LDB2: variants seen among roughly 807,000 people sequenced by gnomAD.
The protein encoded by LDB2 is LIM domain binding 2, also known as LIM domain-binding protein 2.
LDB2 carries 12 observed loss-of-function variants against 44.3 expected under a neutral mutation model. The ratio of observed to expected loss-of-function variants is 0.27; its 90% CI spans 0.17 to 0.44. The LOEUF (loss-of-function observed/expected upper bound fraction) is 0.44. Among genes scored for constraint, LDB2 ranks in the 20% least tolerant of loss-of-function variants. The pLI is 1.00. For missense variants in LDB2, 344 were observed against 473.5 expected (o/e 0.73, Z 2.54); for synonymous variants, 164 against 174.8 (o/e 0.94, Z 0.49).
intron 2 of LDB2, among the ~76,000 whole-genome samples, chr4:16,614,214 T>C (rs1032460987): frequency 1.3e-5 from 2 of 152,190 alleles, no homozygotes; most frequent in Non-Finnish European, 1.5e-5. Flanking sequence ...TGGCTAGCCC[T>C]ATATAGAAAA....
chr4:16,787,290 G>T (rs1196397253), intron 1 of LDB2, among the ~76,000 whole-genome samples: 1 of 152,090 alleles, frequency 6.6e-6, no homozygotes, highest in Non-Finnish European at 1.5e-5. Context: ...GCCTATGGAG[G>T]AATGCCAATA....
chr4:16,800,920 C>T (rs1163161724), intron 1 of LDB2, among the ~76,000 whole-genome samples: 1 of 152,182 alleles, frequency 6.6e-6, no homozygotes, highest in Non-Finnish European at 1.5e-5. Flanking sequence ...CATGATCCAC[C>T]CGCCTCGGCC....
At chr4:16,540,427 G>A (rs1008038561) in intron 5 of LDB2, among the ~76,000 whole-genome samples, 5 of 152,082 alleles carry the variant, frequency 3.3e-5, no homozygotes, top group African/African-American at 7.2e-5. Flanking sequence ...GGAAATTTGC[G>A]GTCTTATCTT....
At chr4:16,586,101 G>A (rs1332596039) in intron 4 of LDB2, 96 bp from the exon 5 acceptor site, 17 of 893,178 alleles carry the variant, frequency 1.9e-5, no homozygotes, top group South Asian at 8.7e-5. Flanking sequence ...ATGCAATCTC[G>A]ACATTGTTGA....
intron 4 of LDB2, among the ~76,000 whole-genome samples, chr4:16,587,791 T>G (rs1717539319): frequency 6.6e-6 from 1 of 152,176 alleles, no homozygotes; most frequent in Non-Finnish European, 1.5e-5. Context: ...AACTTACTGA[T>G]TCTCTGAACA....
At chr4:16,796,660 G>A (rs1776803474) in intron 1 of LDB2, among the ~76,000 whole-genome samples, 1 of 152,082 alleles carries the variant, frequency 6.6e-6, no homozygotes, top group African/African-American at 2.4e-5. Flanking sequence ...AAGGAAACAT[G>A]AAAAAAGAGT....
intron 2 of LDB2, among the ~76,000 whole-genome samples, chr4:16,757,151 G>T (rs762721235): frequency 3.3e-5 from 5 of 152,200 alleles, no homozygotes; most frequent in Non-Finnish European, 7.3e-5. Context: ...TGAGCTCAGA[G>T]CGCTGCATAA....
At position 16,887,299 on chromosome 4, in the gene LDB2, C is replaced by T. The variant is rs181424374; in HGVS notation, c.132+11055G>A. 2.0e-5 allele frequency among the ~76,000 whole-genome samples: 3 copies of T among 152,034 alleles called. No individual in the cohort carries two copies. The East Asian group carries it at 5.8e-4, about 29-fold the overall frequency. Reference sequence around the variant, plus strand: ...GACAGCACTGCTTAGTCCAAGTTAGCCCCGCTTGGGTTTGACTTCTGCACT... The same window carrying T: ...GACAGCACTGCTTAGTCCAAGTTAGTCCCGCTTGGGTTTGACTTCTGCACT... On this transcript the variant is annotated intron_variant, in intron 1 of 7. Coordinates refer to ENST00000304523, the MANE Select transcript of LDB2 (RefSeq NM_001290.5).
rs535023607 is a variant in LDB2, at chr4:16,646,560, C to T, written c.236-50685G>A. The stretch of plus-strand genomic sequence containing the variant: ...CACATCTGCCATAAGAAGAATATGG[C>T]CTGGGGAGCCACTGGCCCCTGAATG... On this transcript the variant is annotated intron_variant, in intron 2 of 7. Transcript: ENST00000304523. Among the ~76,000 whole-genome samples the T allele has an allele frequency of 2.6e-5, 4 of 152,238 alleles. 1 individual carries two copies. The highest frequency in any genetic ancestry group is 9.6e-5 in the African/African-American group (4 of 41,530).
At chr4:16,829,182 C>G (rs1783602490) in intron 1 of LDB2, among the ~76,000 whole-genome samples, 1 of 152,146 alleles carries the variant, frequency 6.6e-6, no homozygotes, top group Non-Finnish European at 1.5e-5. Flanking sequence ...GGAACTGTCA[C>G]AGGGGTGATT....
At chr4:16,856,592 G>C (rs984949528) in intron 1 of LDB2, among the ~76,000 whole-genome samples, 15 of 152,060 alleles carry the variant, frequency 9.9e-5, no homozygotes, top group Non-Finnish European at 1.9e-4. Flanking sequence ...TAAATGGATG[G>C]GCATAGCTGT....
At chr4:16,733,135 A>C in intron 2 of LDB2, among the ~76,000 whole-genome samples, 1 of 152,210 alleles carries the variant, frequency 6.6e-6, no homozygotes, top group Non-Finnish European at 1.5e-5. Flanking sequence ...AAGTGTTCAG[A>C]TCAAATAGCA....
chr4:16,509,902 G>A (rs906801893), intron 6 of LDB2, among the ~76,000 whole-genome samples: 3 of 152,108 alleles, frequency 2.0e-5, no homozygotes, highest in Non-Finnish European at 4.4e-5. Flanking sequence ...GATTGTTTGA[G>A]CCCAGGAATT....
intron 2 of LDB2, among the ~76,000 whole-genome samples, chr4:16,739,382 T>C (rs1046688015): frequency 1.3e-5 from 2 of 149,274 alleles, no homozygotes; most frequent in Non-Finnish European, 3.0e-5. Flanking sequence ...AGGTCAGGAG[T>C]TCAAAACCAA....
At chr4:16,577,577 A>G (rs1445715561) in intron 5 of LDB2, among the ~76,000 whole-genome samples, 1 of 152,188 alleles carries the variant, frequency 6.6e-6, no homozygotes, top group East Asian at 1.9e-4. Flanking sequence ...AAGAGGATAT[A>G]CAAAAATGGA....
chr4:16,555,213 G>A (rs534647429), intron 5 of LDB2, among the ~76,000 whole-genome samples: 3 of 152,060 alleles, frequency 2.0e-5, no homozygotes, highest in Admixed American at 6.5e-5. Context: ...CTGAGGACCA[G>A]GAGTTTTAAA....
intron 2 of LDB2, among the ~76,000 whole-genome samples, chr4:16,742,074 CTTT>C (rs33990510): frequency 0.026 from 3,376 of 128,084 alleles, 45 homozygotes; most frequent in African/African-American, 0.064. Context: ...CTTTTCTTTT[CTTT>C]TTTTTTTTTT....
intron 5 of LDB2, among the ~76,000 whole-genome samples, chr4:16,547,976 CCAGA>C (rs1202826409): frequency 2.1e-5 from 3 of 146,146 alleles, no homozygotes; most frequent in Non-Finnish European, 4.5e-5. Context: ...GTTTTTTTTT[CCAGA>C]CAGAGTCTTG....
rs182483407 is a variant in LDB2, at chr4:16,526,293, A to G, written c.616-14189T>C. On this transcript the variant is annotated intron_variant, in intron 5 of 7. Transcript: ENST00000304523. ...TCTTCTCCTGCCTTTGGACATCAGA[A>G]CTTCAGGTTCTCTGGCCTTTGGATT... Among the ~76,000 whole-genome samples the G allele has an allele frequency of 5.5e-3, 839 of 152,214 alleles. 13 individuals are homozygous for G. Among genetic ancestry groups the G allele is most frequent in the African/African-American group, 0.019 (808 of 41,552 alleles).
Sources: gnomAD v4.1 joint callset for allele counts (sites outside exome capture counted in the v4.1 genomes callset) on GRCh38, gnomAD v4.1.1 for gene constraint, MANE v1.5 for transcripts, NCBI Gene and HGNC (gene_info 2026-07-23, HGNC 2026-07-21) for gene names.